Variants in PTPRN2 observed in about 807,000 individuals in gnomAD.
PTPRN2 encodes protein tyrosine phosphatase receptor type N2.
In PTPRN2, 74 loss-of-function variants were observed where a neutral mutation model predicts 118.8. The ratio of observed to expected loss-of-function variants is 0.62; its 90% confidence interval spans 0.52 to 0.76. PTPRN2 has a LOEUF of 0.76. PTPRN2 is among the 30% of genes least tolerant of loss of function. The pLI is 0.00. For missense variants in PTPRN2, 1,481 were observed against 1,394.4 expected (o/e 1.06, Z -0.99); for synonymous variants, 641 against 608.0 (o/e 1.05, Z -0.80).
intron 10 of PTPRN2, among the ~76,000 whole-genome samples, chr7:158,084,632 C>T (rs1033511564): frequency 6.6e-6 from 1 of 151,744 alleles, no homozygotes; most frequent in Non-Finnish European, 1.5e-5. Flanking sequence ...GACGCCCATC[C>T]ACACCCACGA....
intron 10 of PTPRN2, among the ~76,000 whole-genome samples, chr7:158,098,489 C>T (rs939230584): frequency 2.0e-5 from 3 of 152,338 alleles, no homozygotes; most frequent in East Asian, 1.9e-4. Context: ...TCCCGGAATG[C>T]GGAGAAGCCG....
intron 2 of PTPRN2, among the ~76,000 whole-genome samples, chr7:158,441,785 G>T (rs1180093581): frequency 1.8e-4 from 26 of 142,344 alleles, no homozygotes; most frequent in Admixed American, 6.8e-4. Context: ...GGTGGTGATG[G>T]TGATAGTGAT....
chr7:157,836,875 G>A (rs929728148), intron 12 of PTPRN2, among the ~76,000 whole-genome samples: 7 of 149,902 alleles, frequency 4.7e-5, no homozygotes, highest in African/African-American at 7.4e-5. Context: ...TCCATCCCCC[G>A]ACCAAACCAC....
chr7:158,096,922 T>C (rs1024847614), intron 10 of PTPRN2, among the ~76,000 whole-genome samples: 3 of 152,184 alleles, frequency 2.0e-5, no homozygotes, highest in African/African-American at 4.8e-5. Flanking sequence ...TTGAGTGATA[T>C]TACTAACGCA....
At chr7:157,580,216 T>C (rs1198782839) in intron 17 of PTPRN2, among the ~76,000 whole-genome samples, 2 of 152,158 alleles carry the variant, frequency 1.3e-5, no homozygotes, top group Non-Finnish European at 2.9e-5. Flanking sequence ...CAAGTTAACA[T>C]TGGTTTGTGT....
At chr7:158,106,602 G>A (rs371728727) in intron 10 of PTPRN2, among the ~76,000 whole-genome samples, 2 of 152,264 alleles carry the variant, frequency 1.3e-5, no homozygotes, top group African/African-American at 4.8e-5. Flanking sequence ...ATGTCTCCAG[G>A]GGCTGATGAA....
chr7:157,925,520 C>T (rs1798929679), intron 11 of PTPRN2, among the ~76,000 whole-genome samples: 1 of 152,222 alleles, frequency 6.6e-6, no homozygotes, highest in Admixed American at 6.5e-5. Context: ...CCAACCTGGC[C>T]TGGCCCCTCT....
chr7:157,651,524 A>G (rs1805659582), intron 14 of PTPRN2, among the ~76,000 whole-genome samples: 1 of 152,200 alleles, frequency 6.6e-6, no homozygotes, highest in Non-Finnish European at 1.5e-5. Context: ...TAGCCTTTAA[A>G]GGTGGACGCG....
chr7:158,137,955 C>T (rs1431086203), intron 7 of PTPRN2, among the ~76,000 whole-genome samples: 1 of 152,210 alleles, frequency 6.6e-6, no homozygotes, highest in Non-Finnish European at 1.5e-5. Context: ...GATCCCCTCT[C>T]ACTCTGCTAT....
chr7:158,225,174 C>T (rs906315074), intron 3 of PTPRN2, among the ~76,000 whole-genome samples: 5 of 151,694 alleles, frequency 3.3e-5, no homozygotes, highest in Non-Finnish European at 5.9e-5. Context: ...TTGAGAGTTC[C>T]TTTAAAAACT....
chr7:157,930,807 T>C (rs530324657), intron 11 of PTPRN2, among the ~76,000 whole-genome samples: 5 of 152,206 alleles, frequency 3.3e-5, no homozygotes, highest in Non-Finnish European at 1.5e-5. Flanking sequence ...TGCTTGGGGA[T>C]GAAATGTATA....
chr7:157,684,389 G>A (rs1266993457), intron 12 of PTPRN2, among the ~76,000 whole-genome samples: 2 of 145,372 alleles, frequency 1.4e-5, no homozygotes, highest in African/African-American at 5.0e-5. Flanking sequence ...GGGGGAGGGA[G>A]AGGGAAAGGG....
chr7:158,463,672 C>T (rs770008751), intron 2 of PTPRN2, among the ~76,000 whole-genome samples: 1 of 152,140 alleles, frequency 6.6e-6, no homozygotes, highest in Non-Finnish European at 1.5e-5. Flanking sequence ...ACCATATCAT[C>T]ACTATCTTCA....
chr7:158,207,270 C>T (rs561477732), intron 3 of PTPRN2, among the ~76,000 whole-genome samples: 119 of 145,822 alleles, frequency 8.2e-4, no homozygotes, highest in African/African-American at 2.9e-3. Flanking sequence ...AATAAACATA[C>T]GTGTGCATGT....
chr7:157,777,206 C>G (rs1384577649), intron 12 of PTPRN2, among the ~76,000 whole-genome samples: 1 of 152,214 alleles, frequency 6.6e-6, no homozygotes, highest in African/African-American at 2.4e-5. Flanking sequence ...ATTTTTTTCA[C>G]ATTCAAACAG....
At chr7:157,621,319 C>A (rs758539962) in intron 15 of PTPRN2, 43 bp downstream of exon 15, 15 of 1,587,574 alleles carry the variant, frequency 9.4e-6, no homozygotes, top group Non-Finnish European at 1.3e-5. Flanking sequence ...CCAGTTTCCA[C>A]CGCCCGTAAC....
intron 2 of PTPRN2, among the ~76,000 whole-genome samples, chr7:158,469,142 A>T (rs892896462): frequency 1.1e-4 from 16 of 152,082 alleles, no homozygotes; most frequent in Admixed American, 3.3e-4. Flanking sequence ...AGACTGAGGA[A>T]AGGAAAACAC....
At chr7:158,310,971 CCACACCA>C (rs1253576981) in intron 3 of PTPRN2, among the ~76,000 whole-genome samples, 1 of 152,236 alleles carries the variant, frequency 6.6e-6, no homozygotes, top group African/African-American at 2.4e-5. Context: ...CTCCCCAACC[CCACACCA>C]CACATCTGCC....
chr7:157,992,139 T>C (rs956428601), intron 11 of PTPRN2, among the ~76,000 whole-genome samples: 8 of 152,264 alleles, frequency 5.3e-5, no homozygotes, highest in Non-Finnish European at 1.0e-4. Context: ...CCTCACTTTT[T>C]AATTATATCA....
Sources: allele counts gnomAD v4.1 joint callset (sites outside exome capture counted in the v4.1 genomes callset), GRCh38; gene constraint gnomAD v4.1.1; transcripts MANE v1.5; gene names NCBI Gene and HGNC (gene_info 2026-07-23, HGNC 2026-07-21).